The following CHI3L1 variants were observed in gnomAD, a reference collection of about 807,000 sequenced individuals.
CHI3L1 encodes chitinase-3-like protein 1.
In CHI3L1, 30 loss-of-function variants were observed where a neutral mutation model predicts 40.7. The ratio of observed to expected loss-of-function variants is 0.74; its 90% confidence interval spans 0.55 to 1.00. The LOEUF (loss-of-function observed/expected upper bound fraction) is 1.00, where lower values mean the gene tolerates loss of function less well. Ranked by LOEUF, CHI3L1 falls within the 50% of genes least tolerant of loss-of-function variation. The pLI is 0.00. For missense variants in CHI3L1, 493 were observed against 492.2 expected, an observed-to-expected ratio of 1.00 and a Z score of -0.01; for synonymous variants, 210 against 192.1, an observed-to-expected ratio of 1.09 and a Z score of -0.77.
At position 203,182,735 on chromosome 1, in the gene CHI3L1, A is replaced by G; in HGVS notation, c.583T>C (p.Ser195Pro). 1 of 1,614,032 alleles carries G rather than the reference A, an allele frequency of 6.2e-7. No homozygotes were observed. The highest frequency in any genetic ancestry group is 1.1e-5 in the South Asian group (1 of 91,072). ...TGCCTGGGGCAGGAGACTCACTGGG[A>G]TATCTTGGCAATGTCATAGCTGCTG... ...IDSSYDIAKI[S>P]QHLDFISIMT... Residue 195 changes from serine (S) to proline (P), a missense_variant, in exon 6 of 10, where the codon TCC (serine) becomes CCC (proline). Coordinates refer to ENST00000255409, the MANE Select transcript of CHI3L1 (RefSeq NM_001276.4).
chr1:203,183,650 G>A lies in CHI3L1; in HGVS notation c.456C>T (p.Thr152=). 1 of 1,614,094 alleles carries A rather than the reference G, an allele frequency of 6.2e-7. No homozygotes were observed. The highest frequency in any genetic ancestry group is 8.5e-7 in the Non-Finnish European group (1 of 1,180,024). ...CTGACCTGACCAGCACCTTGATTAG[G>A]GTGGTAAAATGCTGTTTGTCTCTCC... is the stretch of plus-strand genomic sequence containing the variant. ...PGRRDKQHFT[T]LIKEMKAEFI... is the part of the protein sequence containing the mutation. The change falls in exon 5 of 10, where the codon ACC becomes ACT. Residue 152 remains threonine (T), a synonymous_variant. Coordinates refer to ENST00000255409, the MANE Select transcript of CHI3L1 (RefSeq NM_001276.4).
intron 6 of CHI3L1, chr1:203,181,669 G>T: frequency 5.7e-6 from 1 of 174,074 alleles, no homozygotes; most frequent in Non-Finnish European, 1.2e-5. Context: ...TGTGAACGAG[G>T]GAAGCAGACA....
chr1:203,183,819 G>A (rs779650577), intron 4 of CHI3L1, 28 bp from the exon 5 acceptor site: 2 of 1,613,548 alleles, frequency 1.2e-6, no homozygotes, highest in Admixed American at 1.7e-5. Flanking sequence ...CCTGTAGCAT[G>A]CTCAGCACTG....
chr1:203,185,147 A>AGCTGG (rs1164711106), intron 3 of CHI3L1, 37 bp downstream of exon 3: 5 of 1,566,920 alleles, frequency 3.2e-6, no homozygotes, highest in Non-Finnish European at 4.4e-6. Context: ...GGACCAGCCC[A>AGCTGG]GCTGGTCCCT....
rs1655869056 is a variant in CHI3L1, at chr1:203,179,009, C to T, written c.*436G>A. ...TAGGATAGGGGACACGATTACGTTCCTAAGTGAAGGTTTCAAGCTGGGCTT... is the reference window on the plus strand; with the variant it reads ...TAGGATAGGGGACACGATTACGTTCTTAAGTGAAGGTTTCAAGCTGGGCTT... On this transcript the variant is annotated 3_prime_UTR_variant, in exon 10 of 10. Transcript: ENST00000255409. 6.3e-6 allele frequency: 1 copy of T among 158,136 alleles called. No homozygotes were observed. Among genetic ancestry groups the T allele is most frequent in the East Asian group, 1.9e-4 (1 of 5,340 alleles). 9.8% of individuals were successfully genotyped at this position (158,136 alleles called of 1,614,324 possible).
Position 203,186,590 on chromosome 1 carries a change from C to T in CHI3L1, c.25+9G>A. The stretch of plus-strand genomic sequence containing the variant: ...ACTCTGATGGATTAACCTTGGCTAG[C>T]CCAGATACCTGTTTGAGACGCCTTC... On this transcript the variant is annotated intron_variant, in intron 1 of 9. Coordinates refer to ENST00000255409, the MANE Select transcript of CHI3L1 (RefSeq NM_001276.4). 6.2e-7 allele frequency: 1 copy of T among 1,614,116 alleles called. No homozygotes were observed. Among genetic ancestry groups the T allele is most frequent in the Non-Finnish European group, 8.5e-7 (1 of 1,180,026 alleles).
rs896357573 is a variant in CHI3L1 at position 203,180,660 on chromosome 1, G to T, written c.712-8C>A. ...GTACCCCACAGCATAGTCCTGGGTG[G>T]GGTAGGGTGGGAACAACGTGAGCAG... On this transcript the variant is annotated splice_polypyrimidine_tract_variant and splice_region_variant and intron_variant, in intron 7 of 9. Transcript: ENST00000255409. The T allele has an allele frequency of 3.2e-6, 5 of 1,568,216 alleles. No homozygotes were observed. In the South Asian group the frequency reaches 3.5e-5, roughly 11 times the overall value.
At position 203,186,180 on chromosome 1, in the gene CHI3L1, C is replaced by A; in HGVS notation, c.55+136G>T. ...ATACTCCTCACTCCAGTTTAGCAAACGTGACTATTTCGAAGTCATTGGAAG... is the reference window on the plus strand; with the variant it reads ...ATACTCCTCACTCCAGTTTAGCAAAAGTGACTATTTCGAAGTCATTGGAAG... On this transcript the variant is annotated intron_variant, in intron 2 of 9. Coordinates refer to ENST00000255409, the MANE Select transcript of CHI3L1 (RefSeq NM_001276.4). The A allele has an allele frequency of 3.4e-6, 3 of 877,052 alleles. No individual in the cohort carries two copies. The South Asian group carries it at 4.4e-5, about 13-fold the overall frequency. The allele number at this position is 877,052 out of a possible 1,614,324, so 54.3% of individuals were successfully genotyped here. A position where few individuals can be genotyped will look rare whatever the true frequency, so the allele number is the denominator to read the frequency against.
rs779775213 is a variant in CHI3L1 at position 203,183,748 on chromosome 1, T to A, written c.358A>T (p.Ile120Phe). 1 of 1,614,198 alleles carries A rather than the reference T, an allele frequency of 6.2e-7. No individual in the cohort carries two copies. Among genetic ancestry groups the A allele is most frequent in the Admixed American group, 1.7e-5 (1 of 60,024 alleles). The stretch of plus-strand genomic sequence containing the variant: ...CGCAGAAATGGCGGTACTGACTTGA[T>A]GAAAGTCCGGCGACTCTGGGTGTTG... Reference protein sequence around the residue: ...ASNTQSRRTFIKSVPPFLRTH... With the variant: ...ASNTQSRRTFFKSVPPFLRTH... The change falls in exon 5 of 10, where the codon ATC (isoleucine) becomes TTC (phenylalanine). Residue 120 changes from isoleucine to phenylalanine, a missense_variant. Coordinates refer to ENST00000255409, the MANE Select transcript of CHI3L1 (RefSeq NM_001276.4).
chr1:203,180,758 T>C (rs1655919246), intron 7 of CHI3L1, 106 bp from the exon 8 acceptor site: 1 of 787,442 alleles, frequency 1.3e-6, no homozygotes. Flanking sequence ...TATGGTGCAC[T>C]GGGGATTCCC....
chr1:203,180,438 G>T, intron 8 of CHI3L1, 32 bp downstream of exon 8: 1 of 1,510,480 alleles, frequency 6.6e-7, no homozygotes, highest in South Asian at 1.3e-5. Context: ...TGGTGGTGTG[G>T]GGGAATCCTA....
intron 3 of CHI3L1, 87 bp from the exon 4 acceptor site, chr1:203,184,719 G>C (rs888043182): frequency 3.4e-6 from 4 of 1,169,910 alleles, no homozygotes; most frequent in Non-Finnish European, 3.9e-6. Flanking sequence ...GGCCATAGAA[G>C]GTTTCCTGCT....
chr1:203,185,156 C>T (rs761238459), intron 3 of CHI3L1, 28 bp downstream of exon 3: 2 of 1,609,560 alleles, frequency 1.2e-6, no homozygotes, highest in African/African-American at 2.7e-5. Context: ...CAGCTGGTCC[C>T]TCCTCTCCTG....
chr1:203,179,370 A>G lies in CHI3L1; in HGVS notation c.*75T>C. 1 of 1,357,248 alleles carries G rather than the reference A, an allele frequency of 7.4e-7. No homozygotes were observed. Among genetic ancestry groups the G allele is most frequent in the Non-Finnish European group, 1.0e-6 (1 of 991,582 alleles). 84.1% of individuals were successfully genotyped at this position (1,357,248 alleles called of 1,614,324 possible). The stretch of plus-strand genomic sequence containing the variant: ...AGCCTGGGACTCAGCAGGGCAGGTG[A>G]TCAGGCTCCCGGCCAGCTGGAGCCA... On this transcript the variant is annotated 3_prime_UTR_variant, in exon 10 of 10. Transcript: ENST00000255409.
At position 203,186,628 on chromosome 1, in the gene CHI3L1, G is replaced by C. The variant is rs1230981650; in HGVS notation, c.-5C>G. The C allele has an allele frequency of 3.7e-6, 6 of 1,614,108 alleles. No homozygotes were observed. The highest frequency in any genetic ancestry group is 5.1e-6 in the Non-Finnish European group (6 of 1,180,010). ...TTGAGACGCCTTCACACCCATTCTG[G>C]CTGCAGCAGAGCAGGGCAGGGTGTG... On this transcript the variant is annotated 5_prime_UTR_variant, in exon 1 of 10. Coordinates refer to ENST00000255409, the MANE Select transcript of CHI3L1 (RefSeq NM_001276.4).
At chr1:203,186,272 G>A (rs547883330) in intron 2 of CHI3L1, 44 bp downstream of exon 2, 21 of 1,561,158 alleles carry the variant, frequency 1.3e-5, no homozygotes, top group Admixed American at 5.7e-5. Context: ...CTGTGCCCTC[G>A]CCACGCCTCT....
Position 203,179,572 on chromosome 1 carries a change from T to C in CHI3L1, c.1025A>G (p.Lys342Arg), listed in dbSNP as rs370477111. Reference protein sequence around the residue: ...ESVKSKVQYLKDRQLAGAMVW... With the variant: ...ESVKSKVQYLRDRQLAGAMVW... Reference sequence around the variant, plus strand: ...CATGGCGCCCGCCAGCTGCCTGTCCTTCAGGTACTGCACCTGGCAGGGGAG... The same window carrying C: ...CATGGCGCCCGCCAGCTGCCTGTCCCTCAGGTACTGCACCTGGCAGGGGAG... The change falls in exon 10 of 10, where the codon AAG becomes AGG. Residue 342 changes from lysine (K) to arginine (R), a missense_variant. Coordinates refer to ENST00000255409, the MANE Select transcript of CHI3L1 (RefSeq NM_001276.4). The C allele has an allele frequency of 9.3e-6, 15 of 1,610,524 alleles. No individual in the cohort carries two copies. In the African/African-American group the frequency reaches 1.9e-4, roughly 20 times the overall value.
chr1:203,183,330 G>C (rs948610047), intron 5 of CHI3L1, among the ~76,000 whole-genome samples: 1 of 152,168 alleles, frequency 6.6e-6, no homozygotes, highest in Non-Finnish European at 1.5e-5. Context: ...GTGCATGCTG[G>C]GTATGGGTGG....
intron 2 of CHI3L1, among the ~76,000 whole-genome samples, chr1:203,186,075 C>T (rs1415452600): frequency 6.6e-6 from 1 of 152,182 alleles, no homozygotes; most frequent in Non-Finnish European, 1.5e-5. Context: ...TCAAAGCCTT[C>T]ACTGAACCAG....
Sources: allele counts gnomAD v4.1 joint callset (sites outside exome capture counted in the v4.1 genomes callset), GRCh38; gene constraint gnomAD v4.1.1; transcripts MANE v1.5; gene names NCBI Gene and HGNC (gene_info 2026-07-23, HGNC 2026-07-21).